NLGN1: variants seen among roughly 807,000 people sequenced by gnomAD.
NLGN1 encodes neuroligin-1.
Under a neutral mutation model 65.5 loss-of-function variants are expected in NLGN1, and 12 were observed. The ratio of observed to expected loss-of-function variants is 0.18; its 90% CI spans 0.12 to 0.30. The LOEUF (loss-of-function observed/expected upper bound fraction) is 0.30, where lower values mean the gene tolerates loss of function less well. Ranked by LOEUF, NLGN1 falls within the 10% of genes least tolerant of loss-of-function variation. The pLI is 1.00. For synonymous variants in NLGN1, 350 were observed against 359.5 expected (o/e 0.97, Z 0.30); for missense variants, 750 against 1,007.1 (o/e 0.74, Z 3.46).
intron 4 of NLGN1, among the ~76,000 whole-genome samples, chr3:174,223,313 A>G (rs112323429): frequency 4.1e-4 from 63 of 152,226 alleles, no homozygotes; most frequent in African/African-American, 1.5e-3. Flanking sequence ...TTGGTCCTTC[A>G]TGAGAAGTCC....
chr3:173,613,182 C>CT (rs1752568126), intron 3 of NLGN1, among the ~76,000 whole-genome samples: 1 of 152,194 alleles, frequency 6.6e-6, no homozygotes, highest in African/African-American at 2.4e-5. Flanking sequence ...GACATTGCCA[C>CT]TTTTTTCCAA....
At chr3:173,655,950 C>G (rs1460135432) in intron 3 of NLGN1, among the ~76,000 whole-genome samples, 1 of 152,062 alleles carries the variant, frequency 6.6e-6, no homozygotes, top group African/African-American at 2.4e-5. Flanking sequence ...AATGAAAGTA[C>G]ACTCCACAGA....
At chr3:174,268,156 C>T (rs189038521) in intron 4 of NLGN1, among the ~76,000 whole-genome samples, 4 of 152,196 alleles carry the variant, frequency 2.6e-5, no homozygotes, top group East Asian at 3.9e-4. Context: ...GACATATTCC[C>T]GCACAATCAA....
intron 4 of NLGN1, among the ~76,000 whole-genome samples, chr3:173,862,581 T>C (rs1729363473): frequency 6.8e-6 from 1 of 148,058 alleles, no homozygotes; most frequent in Non-Finnish European, 1.5e-5. Context: ...ATTCCAAATA[T>C]GTAAAAATAG....
intron 2 of NLGN1, among the ~76,000 whole-genome samples, chr3:173,572,287 C>G (rs542679362): frequency 1.3e-5 from 2 of 152,310 alleles, no homozygotes; most frequent in South Asian, 2.1e-4. Flanking sequence ...CCAAGGGATC[C>G]AAGGGATTCT....
At chr3:173,999,305 A>G (rs556898222) in intron 4 of NLGN1, among the ~76,000 whole-genome samples, 1 of 152,238 alleles carries the variant, frequency 6.6e-6, no homozygotes, top group South Asian at 2.1e-4. Flanking sequence ...GATTTCAAGG[A>G]GTTTTCAAGA....
chr3:174,146,334 AGTT>A (rs554767678), intron 4 of NLGN1, among the ~76,000 whole-genome samples: 68 of 152,282 alleles, frequency 4.5e-4, no homozygotes, highest in Non-Finnish European at 8.7e-4. Flanking sequence ...TTGTTAGGCA[AGTT>A]GTTTTATCTC....
chr3:174,057,015 T>A (rs988224674), intron 4 of NLGN1, among the ~76,000 whole-genome samples: 1 of 152,070 alleles, frequency 6.6e-6, no homozygotes, highest in African/African-American at 2.4e-5. Context: ...CCAGTCATTT[T>A]GTTATCCTTC....
At chr3:173,830,424 G>C (rs1280985282) in intron 4 of NLGN1, among the ~76,000 whole-genome samples, 1 of 152,136 alleles carries the variant, frequency 6.6e-6, no homozygotes, top group African/African-American at 2.4e-5. Flanking sequence ...GTGCACAACA[G>C]GCAAGTTATT....
intron 2 of NLGN1, among the ~76,000 whole-genome samples, chr3:173,581,011 A>G (rs540133669): frequency 2.0e-5 from 3 of 152,146 alleles, no homozygotes; most frequent in African/African-American, 7.2e-5. Flanking sequence ...TTTCAGAAAT[A>G]TAATGGTACA....
chr3:174,291,980 G>A, the NLGN1 span, among the ~76,000 whole-genome samples: 91 of 151,372 alleles, frequency 6.0e-4, no homozygotes, highest in African/African-American at 2.0e-3. Context: ...TACAGTGGTA[G>A]CAGTGCTGTT....
chr3:173,898,860 C>A (rs1736818360), intron 4 of NLGN1, among the ~76,000 whole-genome samples: 2 of 152,024 alleles, frequency 1.3e-5, no homozygotes, highest in Non-Finnish European at 1.5e-5. Context: ...GTCCCAATGA[C>A]TTTAGACAAA....
intron 2 of NLGN1, among the ~76,000 whole-genome samples, chr3:173,443,140 G>T (rs1187911194): frequency 6.6e-6 from 1 of 151,822 alleles, no homozygotes; most frequent in Non-Finnish European, 1.5e-5. Context: ...TAGGAAGACT[G>T]AGGTGGGAAG....
chr3:173,608,718 A>C (rs1751792006), intron 3 of NLGN1, among the ~76,000 whole-genome samples: 1 of 151,656 alleles, frequency 6.6e-6, no homozygotes, highest in Admixed American at 6.6e-5. Flanking sequence ...CATAGCAGAG[A>C]CTTATATCTA....
chr3:173,615,270 G>A lies in NLGN1; in HGVS notation c.493+10179G>A, dbSNP rs73181074. On this transcript the variant is annotated intron_variant, in intron 3 of 6. Coordinates refer to ENST00000457714, the Ensembl canonical transcript of NLGN1. ...GCTTTGCTGGTGTTGTGTCCTGGAG[G>A]CCCTGCCTCAGGTTTCCCAGTTTGG... Among the ~76,000 whole-genome samples, 372 of 152,148 alleles carry A rather than the reference G, an allele frequency of 2.4e-3. 4 individuals carry two copies. Among genetic ancestry groups the A allele is most frequent in the African/African-American group, 8.5e-3 (351 of 41,524 alleles).
intron 2 of NLGN1, among the ~76,000 whole-genome samples, chr3:173,549,376 G>T (rs551408504): frequency 6.6e-6 from 1 of 152,016 alleles, no homozygotes; most frequent in African/African-American, 2.4e-5. Context: ...TTTTAAATTT[G>T]TATGGCTACA....
intron 4 of NLGN1, among the ~76,000 whole-genome samples, chr3:173,845,861 A>G (rs1468473918): frequency 6.6e-6 from 1 of 152,034 alleles, no homozygotes; most frequent in Non-Finnish European, 1.5e-5. Context: ...AGTGTTTTTT[A>G]ATTAAAATTT....
intron 4 of NLGN1, among the ~76,000 whole-genome samples, chr3:173,916,018 C>T (rs1740662272): frequency 6.6e-6 from 1 of 152,138 alleles, no homozygotes. Context: ...CTTGCCTTTA[C>T]TGCAGTGGGT....
At chr3:173,541,886 G>A (rs1268526047) in intron 2 of NLGN1, among the ~76,000 whole-genome samples, 9 of 152,002 alleles carry the variant, frequency 5.9e-5, no homozygotes, top group East Asian at 1.9e-4. Flanking sequence ...CAAGGTGTAC[G>A]TAGATGTGGA....
Sources: allele counts gnomAD v4.1 joint callset (sites outside exome capture counted in the v4.1 genomes callset), GRCh38; gene constraint gnomAD v4.1.1; transcripts MANE v1.5; gene names NCBI Gene and HGNC (gene_info 2026-07-23, HGNC 2026-07-21).